ILDR2: variants seen among roughly 807,000 people sequenced by gnomAD.
ILDR2 encodes the protein immunoglobulin like domain containing receptor 2.
Under a neutral mutation model 66.8 loss-of-function variants are expected in ILDR2, and 25 were observed. The observed-to-expected ratio is 0.37, with a 90% CI of 0.27 to 0.52. The LOEUF is 0.52. ILDR2 is among the 20% of genes least tolerant of loss of function. ILDR2 has a pLI of 0.88. For missense variants in ILDR2, 827 were observed against 876.8 expected (o/e 0.94, Z 0.72); for synonymous variants, 367 against 357.2 (o/e 1.03, Z -0.31).
chr1:166,939,403 C>T, intron 4 of ILDR2, 111 bp downstream of exon 4: 2 of 862,602 alleles, frequency 2.3e-6, no homozygotes, highest in Non-Finnish European at 3.9e-6. Flanking sequence ...AGATCAGAGA[C>T]ATATAGACAA....
At position 166,957,789 on chromosome 1, in the gene ILDR2, C is replaced by A; in HGVS notation, c.359G>T (p.Arg120Ile). Residue 120 changes from arginine (R) to isoleucine (I), a missense_variant, in exon 2 of 10, where the codon AGA becomes ATA. Arg to Ile is a moderately conservative substitution (Grantham distance 97). Transcript: ENST00000271417. ...ATTACCATGAACAATCGTGATCTCTCTGCCCCTGTAGAAATCTCCCAGGGT... is the reference window on the plus strand; with the variant it reads ...ATTACCATGAACAATCGTGATCTCTATGCCCCTGTAGAAATCTCCCAGGGT... ...TVTLGDFYRG[R>I]EITIVHDADL... The A allele has an allele frequency of 6.2e-7, 1 of 1,613,480 alleles. No homozygotes were observed. Among genetic ancestry groups the A allele is most frequent in the Non-Finnish European group, 8.5e-7 (1 of 1,179,478 alleles).
intron 1 of ILDR2, among the ~76,000 whole-genome samples, chr1:166,966,090 C>T (rs1050670723): frequency 4.0e-5 from 6 of 151,686 alleles, no homozygotes; most frequent in South Asian, 4.2e-4. Flanking sequence ...TTTTTCTTCT[C>T]GAAATAGGAA....
chr1:166,922,805 G>T lies in ILDR2; in HGVS notation c.999C>A (p.Asn333Lys). 1.2e-6 allele frequency: 2 copies of T among 1,613,762 alleles called. No individual in the cohort carries two copies. Among genetic ancestry groups the T allele is most frequent in the Non-Finnish European group, 1.7e-6 (2 of 1,179,650 alleles). Reference sequence around the variant, plus strand: ...GGGAGCTGAGTTCTGAGATGGTGTTGTTATCTGCAGGGACAAAATCAGGCA... The same window carrying T: ...GGGAGCTGAGTTCTGAGATGGTGTTTTTATCTGCAGGGACAAAATCAGGCA... ...DPARRMRGRY[N>K]NTISELSSLH... The change falls in exon 8 of 10, where the codon AAC (asparagine) becomes AAA (lysine). Residue 333 changes from asparagine to lysine, a missense_variant. This residue lies in a region of ILDR2 where 437 missense variants were observed against 523.2 expected (regional missense o/e 0.84). Transcript: ENST00000271417.
chr1:166,970,268 G>A (rs912540335), intron 1 of ILDR2, among the ~76,000 whole-genome samples: 1 of 152,118 alleles, frequency 6.6e-6, no homozygotes, highest in African/African-American at 2.4e-5. Context: ...CTGAAAATTT[G>A]AGGAAGAGCT....
At chr1:166,919,548 G>C (rs1659776355) in intron 9 of ILDR2, among the ~76,000 whole-genome samples, 158 bp from the exon 10 acceptor site, 1 of 152,176 alleles carries the variant, frequency 6.6e-6, no homozygotes, top group Admixed American at 6.5e-5. Flanking sequence ...TTGATCCTAA[G>C]CCTCAGTAGA....
In ILDR2 at chr1:166,936,110, G is replaced by A. The variant is rs1660955431; in HGVS notation, c.703+481C>T. ...ATTGTGAATCCTCAAATAAGAACTA[G>A]GCCCTATTGTGGCCCATGTCATCAT... On this transcript the variant is annotated intron_variant, in intron 5 of 9. Transcript: ENST00000271417. This position sits in a 1 kb window ranked among gnomAD's most constrained non-coding sequence, Gnocchi z 5.0. 6.6e-6 allele frequency among the ~76,000 whole-genome samples: 1 copy of A among 152,166 alleles called. No homozygotes were observed. Among genetic ancestry groups the A allele is most frequent in the African/African-American group, 2.4e-5 (1 of 41,436 alleles).
chr1:166,947,735 C>A (rs1304898460), intron 3 of ILDR2, among the ~76,000 whole-genome samples: 2 of 152,142 alleles, frequency 1.3e-5, no homozygotes, highest in Non-Finnish European at 2.9e-5. Context: ...CCCAGCTGCT[C>A]CGGCTCCTGC....
intron 3 of ILDR2, among the ~76,000 whole-genome samples, chr1:166,944,703 A>G (rs1661513982): frequency 6.6e-6 from 1 of 152,172 alleles, no homozygotes; most frequent in Non-Finnish European, 1.5e-5. Flanking sequence ...TAAGCATTTC[A>G]GTTGCTTTGT....
Position 166,921,273 on chromosome 1 carries a change from G to C in ILDR2, c.1318C>G (p.Arg440Gly). Residue 440 changes from arginine (R) to glycine (G), a missense_variant, in exon 9 of 10, where the codon CGG (arginine) becomes GGG (glycine). Transcript: ENST00000271417. This position sits in a 1 kb window ranked among gnomAD's most constrained non-coding sequence, Gnocchi z 5.3. ...LAAFADSYGQRPRRADGNSHE... is the reference protein window; with the variant it reads ...LAAFADSYGQGPRRADGNSHE... Reference sequence around the variant, plus strand: ...CTGTTGCCGTCTGCCCGGCGGGGCCGCTGGCCGTAGGAGTCAGCGAAGGCC... The same window carrying C: ...CTGTTGCCGTCTGCCCGGCGGGGCCCCTGGCCGTAGGAGTCAGCGAAGGCC... 2 of 1,599,252 alleles carry C rather than the reference G, an allele frequency of 1.3e-6. No homozygotes were observed. Among genetic ancestry groups the C allele is most frequent in the South Asian group, 2.2e-5 (2 of 90,124 alleles).
At chr1:166,922,890 G>T in intron 7 of ILDR2, 81 bp from the exon 8 acceptor site, 1 of 1,250,650 alleles carries the variant, frequency 8.0e-7, no homozygotes, top group East Asian at 2.3e-5. Context: ...TAAGGGCTGA[G>T]ACCCTAGGCT....
Position 166,921,167 on chromosome 1 carries a change from T to G in ILDR2, c.1424A>C (p.Glu475Ala). Residue 475 changes from glutamate to alanine, a missense_variant, in exon 9 of 10, where the codon GAG (glutamate) becomes GCG (alanine). Glu to Ala is a moderately radical substitution (Grantham distance 107). Around this residue, in one of 2 missense-constraint regions of ILDR2, gnomAD observed 390 missense variants for 353.6 expected, o/e 1.10. Transcript: ENST00000271417. This position sits in a 1 kb window ranked among gnomAD's most constrained non-coding sequence, Gnocchi z 5.3. ...GCGGCTGCGCTGACCGTAGTACTCCTCCAAGGAGTCGTCCTGGTAGAAGCC... is the reference window on the plus strand; with the variant it reads ...GCGGCTGCGCTGACCGTAGTACTCCGCCAAGGAGTCGTCCTGGTAGAAGCC... ...HSGFYQDDSL[E>A]EYYGQRSRSR... 6.5e-7 allele frequency: 1 copy of G among 1,550,140 alleles called. No homozygotes were observed. Among genetic ancestry groups the G allele is most frequent in the Non-Finnish European group, 8.7e-7 (1 of 1,154,932 alleles).
intron 1 of ILDR2, among the ~76,000 whole-genome samples, chr1:166,965,582 G>GTTTTT (rs60596259): frequency 8.1e-6 from 1 of 123,984 alleles, no homozygotes; most frequent in Non-Finnish European, 1.7e-5. Context: ...TTTTTTTTTT[G>GTTTTT]TTTTTTTTTT....
rs1379528455 is a variant in ILDR2 at position 166,921,235 on chromosome 1, C to T, written c.1356G>A (p.Arg452=). 1.3e-6 allele frequency: 2 copies of T among 1,595,534 alleles called. No homozygotes were observed. The highest frequency in any genetic ancestry group is 1.7e-5 in the Admixed American group (1 of 59,156). ...CCGAGCGCTCGAAGCGGCTCCCGCCCCGCGCCTCGTGACTGTTGCCGTCTG... is the reference window on the plus strand; with the variant it reads ...CCGAGCGCTCGAAGCGGCTCCCGCCTCGCGCCTCGTGACTGTTGCCGTCTG... ...RRADGNSHEA[R]GGSRFERSES... Residue 452 remains arginine, a synonymous_variant, in exon 9 of 10, where the codon CGG becomes CGA. Coordinates refer to ENST00000271417, the MANE Select transcript of ILDR2 (RefSeq NM_199351.3). This position sits in a 1 kb window ranked among gnomAD's most constrained non-coding sequence, Gnocchi z 5.3.
At chr1:166,907,407 G>A (rs1659367391), downstream of ILDR2, among the ~76,000 whole-genome samples, 1 of 152,206 alleles carries the variant, frequency 6.6e-6, no homozygotes. Flanking sequence ...CCACCTTCAT[G>A]TGAGAGAGTT....
At chr1:166,975,193 T>G (rs1663525096) in intron 1 of ILDR2, 30 bp downstream of exon 1, 1 of 1,570,524 alleles carries the variant, frequency 6.4e-7, no homozygotes, top group Admixed American at 1.7e-5. Context: ...ATATACAAAG[T>G]TATTCGTTTC....
chr1:166,963,427 G>A (rs1206381482), intron 1 of ILDR2, among the ~76,000 whole-genome samples: 3 of 152,152 alleles, frequency 2.0e-5, no homozygotes, highest in African/African-American at 7.2e-5. Flanking sequence ...AACATTTCAA[G>A]GTTAGCAGGT....
At chr1:166,957,616 T>C (rs1350111941) in intron 2 of ILDR2, among the ~76,000 whole-genome samples, 153 bp downstream of exon 2, 1 of 152,164 alleles carries the variant, frequency 6.6e-6, no homozygotes, top group Non-Finnish European at 1.5e-5. Flanking sequence ...AGGGCAATGA[T>C]AGGTCTCTTG....
At chr1:166,933,949 C>T (rs1463563442) in intron 6 of ILDR2, among the ~76,000 whole-genome samples, 1 of 152,196 alleles carries the variant, frequency 6.6e-6, no homozygotes, top group Non-Finnish European at 1.5e-5. Flanking sequence ...TACAATCAGG[C>T]ACTGGCAGCT....
intron 9 of ILDR2, among the ~76,000 whole-genome samples, chr1:166,919,632 C>G (rs1245849396): frequency 6.6e-6 from 1 of 152,230 alleles, no homozygotes; most frequent in Non-Finnish European, 1.5e-5. Flanking sequence ...TTTAGGATAA[C>G]TACTATGTTT....
Sources: allele counts gnomAD v4.1 joint callset (sites outside exome capture counted in the v4.1 genomes callset), GRCh38; gene constraint gnomAD v4.1.1; regional missense constraint gnomAD v4.1.1; non-coding constraint Gnocchi (gnomAD v3.1); transcripts MANE v1.5; gene names NCBI Gene and HGNC (gene_info 2026-07-23, HGNC 2026-07-21).